Variants in TOM1L1 observed in about 807,000 individuals in gnomAD.
The protein encoded by TOM1L1 is TOM1-like protein 1.
Under a neutral mutation model 63.4 loss-of-function variants are expected in TOM1L1, and 64 were observed. The observed-to-expected ratio is 1.01, with a 90% CI of 0.83 to 1.24. The LOEUF (loss-of-function observed/expected upper bound fraction) is 1.24. Among genes scored for constraint, TOM1L1 ranks in the 50% most tolerant of loss-of-function variants. TOM1L1 has a pLI of 0.00. For missense variants in TOM1L1, 536 were observed against 567.0 expected, an observed-to-expected ratio of 0.95 and a Z score of 0.55; for synonymous variants, 166 against 194.4, an observed-to-expected ratio of 0.85 and a Z score of 1.22.
chr17:54,927,075 T>C (rs2048781273), intron 7 of TOM1L1, among the ~76,000 whole-genome samples: 1 of 152,246 alleles, frequency 6.6e-6, no homozygotes, highest in Admixed American at 6.5e-5. Context: ...AGGATTATGC[T>C]GACAATTTGT....
chr17:54,906,476 CAA>C (rs57524831), intron 3 of TOM1L1, among the ~76,000 whole-genome samples: 27 of 93,880 alleles, frequency 2.9e-4, no homozygotes, highest in African/African-American at 7.9e-4. Context: ...GACTCCTTCT[CAA>C]AAAAAAAAAA....
At chr17:54,903,574 C>CA (rs529974655) in intron 1 of TOM1L1, 134 bp from the exon 2 acceptor site, 56 of 767,158 alleles carry the variant, frequency 7.3e-5, no homozygotes, top group African/African-American at 2.5e-4. Context: ...AGAACTGTTC[C>CA]AAAAAAAATC....
intron 14 of TOM1L1, among the ~76,000 whole-genome samples, chr17:54,951,526 G>C (rs905017580): frequency 6.6e-6 from 1 of 152,320 alleles, no homozygotes; most frequent in African/African-American, 2.4e-5. Context: ...AGAGAAGGTC[G>C]AGAGATTCTG....
At chr17:54,923,978 T>C (rs557541622) in intron 7 of TOM1L1, among the ~76,000 whole-genome samples, 23 of 152,156 alleles carry the variant, frequency 1.5e-4, no homozygotes, top group Admixed American at 3.3e-4. Context: ...GCGATACTAC[T>C]TGTCAAAAAA....
chr17:54,906,193 G>A (rs903820506), intron 3 of TOM1L1, among the ~76,000 whole-genome samples: 2 of 152,158 alleles, frequency 1.3e-5, no homozygotes, highest in African/African-American at 4.8e-5. Context: ...TTGTGGCTGG[G>A]TACGGTGGCT....
At position 54,914,627 on chromosome 17, in the gene TOM1L1, T is replaced by C. The variant is rs573637562; in HGVS notation, c.499-12T>C. 6.9e-6 allele frequency: 11 copies of C among 1,602,160 alleles called. No homozygotes were observed. In the East Asian group the frequency reaches 2.2e-4, roughly 33 times the overall value. On this transcript the variant is annotated splice_polypyrimidine_tract_variant and intron_variant, in intron 5 of 15. Coordinates refer to ENST00000575882, the MANE Select transcript of TOM1L1 (RefSeq NM_005486.3). ...ATTCACATAATAATATTACCATGTT[T>C]CATACTCATAGACTGCTCAAATCTC... is the stretch of plus-strand genomic sequence containing the variant.
intron 11 of TOM1L1, among the ~76,000 whole-genome samples, chr17:54,946,548 G>A (rs891805909): frequency 6.6e-6 from 1 of 152,154 alleles, no homozygotes; most frequent in Non-Finnish European, 1.5e-5. Flanking sequence ...CCACTTTGGG[G>A]TTGCCTGTGG....
intron 11 of TOM1L1, among the ~76,000 whole-genome samples, chr17:54,945,828 A>T (rs903815220): frequency 4.6e-5 from 7 of 151,920 alleles, no homozygotes; most frequent in Admixed American, 3.9e-4. Flanking sequence ...AGCTGCCTTA[A>T]ATATCTCTGA....
intron 8 of TOM1L1, among the ~76,000 whole-genome samples, chr17:54,935,498 T>C (rs936316058): frequency 2.0e-5 from 3 of 152,286 alleles, no homozygotes; most frequent in African/African-American, 7.2e-5. Flanking sequence ...GTCATAACAG[T>C]AATACTATAT....
intron 8 of TOM1L1, 179 bp downstream of exon 8, chr17:54,930,385 A>C: frequency 1.4e-6 from 1 of 702,890 alleles, no homozygotes; most frequent in Admixed American, 3.0e-5. Flanking sequence ...CTACTCAGTA[A>C]ATGCTAGAGG....
intron 3 of TOM1L1, among the ~76,000 whole-genome samples, chr17:54,906,207 A>G (rs1295378265): frequency 2.0e-5 from 3 of 151,370 alleles, no homozygotes; most frequent in Admixed American, 2.0e-4. Flanking sequence ...GGTGGCTCAC[A>G]CCTGTAATCC....
chr17:54,947,321 C>T lies in TOM1L1; in HGVS notation c.1182+9C>T. 1 of 1,613,948 alleles carries T rather than the reference C, an allele frequency of 6.2e-7. No individual in the cohort carries two copies. Among genetic ancestry groups the T allele is most frequent in the Non-Finnish European group, 8.5e-7 (1 of 1,179,882 alleles). ...GCCACGCATATGATAATGTAAGTAA[C>T]AAAACTCTTTTCTAGCAGTGCATCT... On this transcript the variant is annotated intron_variant, in intron 12 of 15. Coordinates refer to ENST00000575882, the MANE Select transcript of TOM1L1 (RefSeq NM_005486.3).
intron 3 of TOM1L1, among the ~76,000 whole-genome samples, chr17:54,911,423 T>G (rs1037995787): frequency 1.3e-5 from 2 of 152,202 alleles, no homozygotes; most frequent in African/African-American, 4.8e-5. Flanking sequence ...TAGCTGTGTG[T>G]GTCCAGCTCA....
chr17:54,919,190 C>T (rs9914596), intron 7 of TOM1L1, among the ~76,000 whole-genome samples: 39,418 of 151,984 alleles, frequency 0.26, 5,297 homozygotes, highest in Non-Finnish European at 0.29. Flanking sequence ...TCCACAATGG[C>T]GGCTTTTCCA....
rs2049138351 is a variant in TOM1L1, at chr17:54,947,404, C to G, written c.1182+92C>G. On this transcript the variant is annotated intron_variant, in intron 12 of 15. Transcript: ENST00000575882. ...CATGGTCATTAATTCCCATGTTCTG[C>G]TCAGTATTGTGTTGATGCGCAGCCC... 2.1e-6 allele frequency: 3 copies of G among 1,436,794 alleles called. No homozygotes were observed. The Admixed American group carries it at 5.1e-5, about 24-fold the overall frequency. The allele number at this position is 1,436,794 out of a possible 1,614,324, so 89.0% of individuals were successfully genotyped here.
At position 54,930,772 on chromosome 17, in the gene TOM1L1, G is replaced by A. The variant is rs563560433; in HGVS notation, c.854+566G>A. The stretch of plus-strand genomic sequence containing the variant: ...CAGGATAATTGCTTGAACCTGGGAG[G>A]TGGAGGTTGTGGTGAGCCAAGATCA... On this transcript the variant is annotated intron_variant, in intron 8 of 15. Coordinates refer to ENST00000575882, the MANE Select transcript of TOM1L1 (RefSeq NM_005486.3). Among the ~76,000 whole-genome samples, 5 of 152,242 alleles carry A rather than the reference G, an allele frequency of 3.3e-5. No homozygotes were observed. The South Asian group carries it at 8.3e-4, about 25-fold the overall frequency.
chr17:54,914,020 G>A (rs917390909), intron 5 of TOM1L1, 147 bp downstream of exon 5: 7 of 950,090 alleles, frequency 7.4e-6, no homozygotes, highest in South Asian at 2.0e-5. Flanking sequence ...TAGAATAACC[G>A]AGACTTGGGA....
At chr17:54,901,500 G>T (rs1324712855) in intron 1 of TOM1L1, among the ~76,000 whole-genome samples, 2 of 151,984 alleles carry the variant, frequency 1.3e-5, no homozygotes, top group Non-Finnish European at 2.9e-5. Flanking sequence ...GGCCACGGAG[G>T]TCTCTCGCAG....
intron 14 of TOM1L1, among the ~76,000 whole-genome samples, chr17:54,951,442 G>T (rs1205692697): frequency 1.3e-5 from 2 of 152,176 alleles, no homozygotes; most frequent in African/African-American, 4.8e-5. Context: ...ACCCTCTCTA[G>T]GGAGGCTCTT....
Sources: gnomAD v4.1 joint callset for allele counts (sites outside exome capture counted in the v4.1 genomes callset) on GRCh38, gnomAD v4.1.1 for gene constraint, MANE v1.5 for transcripts, NCBI Gene and HGNC (gene_info 2026-07-23, HGNC 2026-07-21) for gene names.